Variants in RBFOX3 observed in about 807,000 individuals in gnomAD.
The protein encoded by RBFOX3 is RNA binding fox-1 homolog 3.
Under a neutral mutation model 48.7 loss-of-function variants are expected in RBFOX3, and 17 were observed. The observed-to-expected ratio is 0.35, with a 90% CI of 0.24 to 0.52. The LOEUF (loss-of-function observed/expected upper bound fraction) is 0.52. Ranked by LOEUF, RBFOX3 falls within the 20% of genes least tolerant of loss-of-function variation. The pLI is 0.94. For missense variants in RBFOX3, 382 were observed against 497.5 expected, an observed-to-expected ratio of 0.77 and a Z score of 2.21; for synonymous variants, 212 against 209.5, an observed-to-expected ratio of 1.01 and a Z score of -0.10.
chr17:79,459,113 A>G (rs1292087500), intron 2 of RBFOX3, among the ~76,000 whole-genome samples: 1 of 151,666 alleles, frequency 6.6e-6, no homozygotes, highest in Non-Finnish European at 1.5e-5. Context: ...TCCCCTAGGC[A>G]CTCCACAGCC....
the RBFOX3 span, among the ~76,000 whole-genome samples, chr17:79,622,075 G>A: frequency 6.6e-6 from 1 of 151,954 alleles, no homozygotes; most frequent in African/African-American, 2.4e-5. Context: ...CTTTTCTAAG[G>A]TGTCCTTTCA....
At chr17:79,580,655 A>G (rs1362953352) in intron 1 of RBFOX3, among the ~76,000 whole-genome samples, 2 of 152,258 alleles carry the variant, frequency 1.3e-5, no homozygotes, top group Admixed American at 1.3e-4. Flanking sequence ...TTTTTTGCTC[A>G]TGCTATGTTC....
rs1346621919 is a variant in RBFOX3 at position 79,535,520 on chromosome 17, G to T, written c.-319-52922C>A. ...CCCAAGTGAGTCACCCCAAACGAAT[G>T]AGGCCCTCAGATGATCCACAGGCTG... On this transcript the variant is annotated intron_variant, in intron 1 of 14. Coordinates refer to ENST00000693108, the MANE Select transcript of RBFOX3 (RefSeq NM_001350451.2). This position sits in a 1 kb window ranked among gnomAD's most constrained non-coding sequence, Gnocchi z 4.5. Among the ~76,000 whole-genome samples, 1 of 152,140 alleles carries T rather than the reference G, an allele frequency of 6.6e-6. No homozygotes were observed. Among genetic ancestry groups the T allele is most frequent in the Non-Finnish European group, 1.5e-5 (1 of 68,034 alleles).
intron 1 of RBFOX3, among the ~76,000 whole-genome samples, chr17:79,573,080 C>T (rs950237407): frequency 7.2e-4 from 110 of 152,342 alleles, no homozygotes; most frequent in African/African-American, 2.4e-3. Flanking sequence ...CCTGCCTCTA[C>T]GGCACCTGAC....
chr17:79,570,281 T>C (rs2092626087), intron 1 of RBFOX3, among the ~76,000 whole-genome samples: 1 of 152,032 alleles, frequency 6.6e-6, no homozygotes, highest in African/African-American at 2.4e-5. Context: ...AATGGGCAGA[T>C]GGATAGTAGA....
Position 79,390,629 on chromosome 17 carries a change from C to T in RBFOX3, c.-174-82805G>A, listed in dbSNP as rs971827299. ...AGTAGCTGGGATTACAGGCGCCTGCCACCAAACCCAGCTAATTTTGTATTT... is the reference window on the plus strand; with the variant it reads ...AGTAGCTGGGATTACAGGCGCCTGCTACCAAACCCAGCTAATTTTGTATTT... On this transcript the variant is annotated intron_variant, in intron 2 of 14. Coordinates refer to ENST00000693108, the MANE Select transcript of RBFOX3 (RefSeq NM_001350451.2). This position sits in a 1 kb window ranked among gnomAD's most constrained non-coding sequence, Gnocchi z 4.2. 1.3e-5 allele frequency among the ~76,000 whole-genome samples: 2 copies of T among 152,306 alleles called. No individual in the cohort carries two copies. The highest frequency in any genetic ancestry group is 1.3e-4 in the Admixed American group (2 of 15,306).
chr17:79,433,590 G>C (rs895101954), intron 2 of RBFOX3, among the ~76,000 whole-genome samples: 3 of 152,174 alleles, frequency 2.0e-5, no homozygotes, highest in Non-Finnish European at 4.4e-5. Context: ...CCTCCCTTGG[G>C]AGCTGCTGCC....
At chr17:79,521,075 A>T (rs1469045128) in intron 1 of RBFOX3, among the ~76,000 whole-genome samples, 1 of 152,198 alleles carries the variant, frequency 6.6e-6, no homozygotes, top group African/African-American at 2.4e-5. Context: ...GAAGACACGC[A>T]AAGAGGATGG....
rs74002533 is a variant in RBFOX3 at position 79,465,769 on chromosome 17, T to G, written c.-175+16685A>C. Among the ~76,000 whole-genome samples the G allele has an allele frequency of 9.4e-3, 1,434 of 152,316 alleles. 20 individuals are homozygous for G. Among genetic ancestry groups the G allele is most frequent in the African/African-American group, 0.033 (1,368 of 41,568 alleles). ...GGAGTCACTCGGCAGGTAGCCATGC[T>G]TCAGCCCCCGGTGGCCTCTCATCCG... is the stretch of plus-strand genomic sequence containing the variant. On this transcript the variant is annotated intron_variant, in intron 2 of 14. Transcript: ENST00000693108.
chr17:79,576,537 G>A (rs1488014047), intron 1 of RBFOX3, among the ~76,000 whole-genome samples: 2 of 151,928 alleles, frequency 1.3e-5, no homozygotes, highest in Non-Finnish European at 2.9e-5. Flanking sequence ...GGAGATCATG[G>A]AGAAGTTGGA....
At chr17:79,317,137 C>A (rs986322438) in intron 2 of RBFOX3, among the ~76,000 whole-genome samples, 2 of 152,186 alleles carry the variant, frequency 1.3e-5, no homozygotes, top group Admixed American at 6.5e-5. Context: ...ACGGCCACCC[C>A]CCTCATTCAG....
At chr17:79,474,058 C>T (rs1049841766) in intron 2 of RBFOX3, among the ~76,000 whole-genome samples, 17 of 152,082 alleles carry the variant, frequency 1.1e-4, no homozygotes, top group African/African-American at 4.1e-4. Flanking sequence ...CCTCACTCGT[C>T]CATTCACCTT....
intron 1 of RBFOX3, among the ~76,000 whole-genome samples, chr17:79,597,504 C>T (rs1371415646): frequency 2.0e-5 from 3 of 152,214 alleles, no homozygotes; most frequent in African/African-American, 4.8e-5. Flanking sequence ...CCAGCACCAG[C>T]GCTGGGGGGC....
intron 3 of RBFOX3, among the ~76,000 whole-genome samples, chr17:79,303,883 G>A (rs1417719277): frequency 1.3e-5 from 2 of 150,192 alleles, no homozygotes; most frequent in African/African-American, 4.9e-5. Context: ...GTGTGTGCAT[G>A]TGTGTACTTG....
chr17:79,586,925 T>G lies in RBFOX3; in HGVS notation c.-320+23901A>C, dbSNP rs1022357208. Among the ~76,000 whole-genome samples the G allele has an allele frequency of 1.2e-3, 181 of 152,336 alleles. 3 individuals carry two copies. The South Asian group carries it at 0.019, about 16-fold the overall frequency. On this transcript the variant is annotated intron_variant, in intron 1 of 14. Coordinates refer to ENST00000693108, the MANE Select transcript of RBFOX3 (RefSeq NM_001350451.2). ...TGAATTTGCATCTGTGCAAGTCTGG[T>G]AATACCTGAATTCCAGGCACAAATA...
chr17:79,501,257 CG>C (rs1192039918), intron 1 of RBFOX3, among the ~76,000 whole-genome samples: 2 of 152,154 alleles, frequency 1.3e-5, no homozygotes, highest in Non-Finnish European at 2.9e-5. Context: ...TTGCAGGCTG[CG>C]GGGAAGACAG....
At chr17:79,223,004 C>T (rs2059911931) in intron 4 of RBFOX3, among the ~76,000 whole-genome samples, 1 of 152,150 alleles carries the variant, frequency 6.6e-6, no homozygotes, top group South Asian at 2.1e-4. Context: ...CCACCTTTTC[C>T]TGCATGCCCT....
At chr17:79,545,943 TGTGTGCACGTGTGTGC>T (rs765513070) in intron 1 of RBFOX3, among the ~76,000 whole-genome samples, 4 of 152,220 alleles carry the variant, frequency 2.6e-5, no homozygotes, top group African/African-American at 4.8e-5. Context: ...AGACTGTGTG[TGTGTGCACGTGTGTGC>T]GTGTGCACGT....
rs2077447434 is a variant in RBFOX3, at chr17:79,106,732, T to C, written c.279A>G (p.Thr93=). 3 of 1,509,734 alleles carry C rather than the reference T, an allele frequency of 2.0e-6. No individual in the cohort carries two copies. The highest frequency in any genetic ancestry group is 1.3e-5 in the South Asian group (1 of 77,688). The allele number at this position is 1,509,734 out of a possible 1,614,324, so 93.5% of individuals were successfully genotyped here. A position where few individuals can be genotyped will look rare whatever the true frequency, so the allele number is the denominator to read the frequency against. ...GTAGCCGCTTGGGCTGCTGCTTCTC[T>C]GTAGGGTCGGAGGGGTGGAGCGGCT... ...DSQPLHPSDP[T]EKQQPKRLHV... The change falls in exon 6 of 15, where the codon ACA becomes ACG. Residue 93 remains threonine, a synonymous_variant. Coordinates refer to ENST00000693108, the MANE Select transcript of RBFOX3 (RefSeq NM_001350451.2).
Sources: gnomAD v4.1 joint callset for allele counts (sites outside exome capture counted in the v4.1 genomes callset) on GRCh38, gnomAD v4.1.1 for gene constraint, Gnocchi (gnomAD v3.1) non-coding constraint, MANE v1.5 for transcripts, NCBI Gene and HGNC (gene_info 2026-07-23, HGNC 2026-07-21) for gene names.